The following IQCJ variants were observed in gnomAD, a reference collection of about 807,000 sequenced individuals.
IQCJ encodes the protein IQ domain-containing protein J.
In IQCJ, 9 loss-of-function variants were observed where a neutral mutation model predicts 11.0. That is an observed-to-expected ratio of 0.82 (90% confidence interval 0.49 to 1.43). The LOEUF is 1.43. Among genes scored for constraint, IQCJ ranks in the 40% most tolerant of loss-of-function variants. IQCJ has a pLI of 0.00. For missense variants in IQCJ, 146 were observed against 133.2 expected (o/e 1.10, Z -0.47); for synonymous variants, 55 against 51.3 (o/e 1.07, Z -0.31).
chr3:159,085,113 T>C (rs1177904692), intron 1 of IQCJ, among the ~76,000 whole-genome samples: 77 of 150,514 alleles, frequency 5.1e-4, no homozygotes, highest in Non-Finnish European at 1.5e-4. Flanking sequence ...TTCCCCTTCC[T>C]GTGTCCATGT....
At chr3:159,147,131 T>C (rs1720966570) in intron 1 of IQCJ, among the ~76,000 whole-genome samples, 1 of 152,226 alleles carries the variant, frequency 6.6e-6, no homozygotes, top group Non-Finnish European at 1.5e-5. Flanking sequence ...TTTATGCTAA[T>C]TTTTACTAAA....
intron 1 of IQCJ, among the ~76,000 whole-genome samples, chr3:159,112,973 T>C (rs1484163163): frequency 6.6e-6 from 1 of 152,216 alleles, no homozygotes; most frequent in East Asian, 1.9e-4. Flanking sequence ...AAAGAAACAG[T>C]ACATTTAAGA....
chr3:159,179,889 A>G (rs920471003), intron 1 of IQCJ, among the ~76,000 whole-genome samples: 5 of 152,178 alleles, frequency 3.3e-5, no homozygotes, highest in Admixed American at 6.5e-5. Context: ...TGATCAAGAC[A>G]CAGACATTTT....
At chr3:159,089,858 G>GTT (rs2108077706) in intron 1 of IQCJ, among the ~76,000 whole-genome samples, 1 of 151,586 alleles carries the variant, frequency 6.6e-6, no homozygotes, top group East Asian at 1.9e-4. Flanking sequence ...CTTTGCCTTT[G>GTT]GTTTGAGTGT....
intron 1 of IQCJ, among the ~76,000 whole-genome samples, chr3:159,158,605 G>A (rs1459121889): frequency 1.3e-5 from 2 of 152,176 alleles, no homozygotes; most frequent in African/African-American, 4.8e-5. Context: ...TTGAAGTCAA[G>A]GATTGGTGAA....
intron 1 of IQCJ, among the ~76,000 whole-genome samples, chr3:159,138,909 G>A (rs889447020): frequency 2.0e-5 from 3 of 152,148 alleles, no homozygotes; most frequent in Admixed American, 2.0e-4. Context: ...AGTAGTGATT[G>A]ACTTTTATAT....
chr3:159,082,652 G>C (rs1209046613), intron 1 of IQCJ, among the ~76,000 whole-genome samples: 2 of 152,096 alleles, frequency 1.3e-5, no homozygotes, highest in African/African-American at 2.4e-5. Flanking sequence ...TAAGGAAAGG[G>C]AAGCTGTGGT....
At chr3:159,234,892 C>CA (rs992722336) in intron 1 of IQCJ, among the ~76,000 whole-genome samples, 15 of 151,984 alleles carry the variant, frequency 9.9e-5, no homozygotes, top group Non-Finnish European at 1.9e-4. Flanking sequence ...CCCTGCTAAG[C>CA]AAAAAAATCT....
chr3:159,137,607 A>G (rs1015107175), intron 1 of IQCJ, among the ~76,000 whole-genome samples: 3 of 152,218 alleles, frequency 2.0e-5, no homozygotes, highest in African/African-American at 7.2e-5. Context: ...AAATAACTGT[A>G]TAACTTTATT....
chr3:159,214,377 A>T (rs780771536), intron 1 of IQCJ, among the ~76,000 whole-genome samples: 1 of 152,112 alleles, frequency 6.6e-6, no homozygotes, highest in East Asian at 1.9e-4. Flanking sequence ...CTAGATCCTC[A>T]CTGTCGTTGC....
chr3:159,108,560 T>C (rs1718417699), intron 1 of IQCJ, among the ~76,000 whole-genome samples: 1 of 152,214 alleles, frequency 6.6e-6, no homozygotes, highest in African/African-American at 2.4e-5. Context: ...TTATACTCTA[T>C]CAGTTACTTA....
intron 1 of IQCJ, among the ~76,000 whole-genome samples, chr3:159,093,926 T>A (rs891172036): frequency 2.0e-5 from 3 of 151,702 alleles, no homozygotes; most frequent in Non-Finnish European, 2.9e-5. Flanking sequence ...CCCCAAACAC[T>A]TGGGGATTAC....
At chr3:159,259,675 T>C (rs1728094550) in intron 3 of IQCJ, among the ~76,000 whole-genome samples, 1 of 152,198 alleles carries the variant, frequency 6.6e-6, no homozygotes. Context: ...GTAAATAACA[T>C]GTAAACACTT....
intron 1 of IQCJ, among the ~76,000 whole-genome samples, chr3:159,080,020 A>G (rs1716203678): frequency 6.6e-6 from 1 of 152,138 alleles, no homozygotes; most frequent in Admixed American, 6.6e-5. Flanking sequence ...GGTAAACATG[A>G]CTTCCATTTA....
At chr3:159,264,294 A>T (rs1445362074), downstream of IQCJ, among the ~76,000 whole-genome samples, 4 of 152,180 alleles carry the variant, frequency 2.6e-5, no homozygotes, top group East Asian at 7.7e-4. Flanking sequence ...TTATATTTGT[A>T]CGGCTGTACT....
intron 1 of IQCJ, among the ~76,000 whole-genome samples, chr3:159,188,323 T>C (rs748193217): frequency 2.0e-5 from 3 of 152,102 alleles, no homozygotes; most frequent in Non-Finnish European, 2.9e-5. Flanking sequence ...GGTAGGAGAA[T>C]TGCTTGAACC....
At chr3:159,135,748 G>A (rs1720253968) in intron 1 of IQCJ, among the ~76,000 whole-genome samples, 1 of 152,194 alleles carries the variant, frequency 6.6e-6, no homozygotes, top group Non-Finnish European at 1.5e-5. Flanking sequence ...TCTGGGAAAT[G>A]TAGTATAATT....
chr3:159,140,755 A>T (rs1337834540), intron 1 of IQCJ, among the ~76,000 whole-genome samples: 1 of 152,190 alleles, frequency 6.6e-6, no homozygotes, highest in Non-Finnish European at 1.5e-5. Flanking sequence ...GTAAAATGAG[A>T]ATGATGGTAC....
intron 1 of IQCJ, among the ~76,000 whole-genome samples, chr3:159,188,115 T>A (rs984468557): frequency 3.2e-4 from 48 of 152,258 alleles, no homozygotes; most frequent in African/African-American, 1.1e-3. Flanking sequence ...TCTTTCACTT[T>A]AAAAAAATAC....
Sources: gnomAD v4.1 joint callset for allele counts (sites outside exome capture counted in the v4.1 genomes callset) on GRCh38, gnomAD v4.1.1 for gene constraint, MANE v1.5 for transcripts, NCBI Gene and HGNC (gene_info 2026-07-23, HGNC 2026-07-21) for gene names.